SETDB1: variants seen among roughly 807,000 people sequenced by gnomAD.
The protein encoded by SETDB1 is histone-lysine N-methyltransferase SETDB1.
In SETDB1, 31 loss-of-function variants were observed where a neutral mutation model predicts 137.4. That is an observed-to-expected ratio of 0.23 (90% CI 0.17 to 0.30). The LOEUF (loss-of-function observed/expected upper bound fraction) is 0.30, where lower values mean the gene tolerates loss of function less well. SETDB1 is among the 10% of genes least tolerant of loss of function. SETDB1 has a pLI of 1.00. For missense variants in SETDB1, 1,113 were observed against 1,631.5 expected (o/e 0.68, Z 5.47); for synonymous variants, 548 against 579.9 (o/e 0.95, Z 0.79).
Position 150,963,017 on chromosome 1 carries a change from G to A in SETDB1, c.3338G>A (p.Ser1113Asn). 2 of 1,614,170 alleles carry A rather than the reference G, an allele frequency of 1.2e-6. No homozygotes were observed. The highest frequency in any genetic ancestry group is 2.7e-5 in the African/African-American group (2 of 75,032). The change falls in exon 19 of 22, where the codon AGT (serine) becomes AAT (asparagine). Residue 1113 changes from serine (S) to asparagine (N), a missense_variant. Transcript: ENST00000692827. ...AGCAGCACAGAAAGTGAGGGGGAAA[G>A]TGGGACCAGCCGAAAGCCCACTGCT... ...LSSSTESEGESGTSRKPTAGQ... is the reference protein window; with the variant it reads ...LSSSTESEGENGTSRKPTAGQ...
At position 150,931,261 on chromosome 1, in the gene SETDB1, C is replaced by CAAAAAAAAA. The variant is rs767694682; in HGVS notation, c.412+1155_412+1163dup. 2.5e-3 allele frequency among the ~76,000 whole-genome samples: 170 copies of CAAAAAAAAA among 67,486 alleles called. 8 individuals are homozygous for CAAAAAAAAA. Among genetic ancestry groups the CAAAAAAAAA allele is most frequent in the South Asian group, 5.4e-3 (6 of 1,114 alleles). 44.3% of individuals were successfully genotyped at this position (67,486 alleles called of 152,430 possible). A position where few individuals can be genotyped will look rare whatever the true frequency, so the allele number is the denominator to read the frequency against. ...GGTGACAAAGCAAGACTCTTGTCTT[C>CAAAAAAAAA]AAAAAAAAAAAAAAAAAAAAGGGTT... On this transcript the variant is annotated intron_variant, in intron 3 of 21. Coordinates refer to ENST00000692827, the MANE Select transcript of SETDB1 (RefSeq NM_001366418.1).
intron 3 of SETDB1, chr1:150,930,533 T>C (rs1669695767): frequency 7.5e-6 from 1 of 132,892 alleles, no homozygotes; most frequent in Non-Finnish European, 1.6e-5. Context: ...TTTTTTTTTT[T>C]TTTTTTTTTT....
chr1:150,939,478 C>T (rs1263304967), intron 3 of SETDB1, among the ~76,000 whole-genome samples: 1 of 151,966 alleles, frequency 6.6e-6, no homozygotes, highest in Non-Finnish European at 1.5e-5. Context: ...GCATGTGCCA[C>T]CATGCCCATC....
chr1:150,927,601 C>T, intron 1 of SETDB1, 103 bp from the exon 2 acceptor site: 1 of 988,298 alleles, frequency 1.0e-6, no homozygotes, highest in Non-Finnish European at 1.5e-6. Context: ...AATAGAATAA[C>T]AGGCAGCAGA....
chr1:150,963,855 T>C (rs1670903408), intron 20 of SETDB1, 114 bp downstream of exon 20: 1 of 1,308,618 alleles, frequency 7.6e-7, no homozygotes, highest in Non-Finnish European at 1.1e-6. Context: ...CAAAGGATCT[T>C]AAAGAGGTAG....
chr1:150,952,486 G>A (rs867584837), intron 14 of SETDB1, among the ~76,000 whole-genome samples: 6 of 152,272 alleles, frequency 3.9e-5, no homozygotes, highest in Admixed American at 6.5e-5. Flanking sequence ...TAAATTTTTG[G>A]CTTGAGCATC....
intron 6 of SETDB1, 36 bp downstream of exon 6, chr1:150,942,724 C>T: frequency 6.2e-7 from 1 of 1,603,530 alleles, no homozygotes; most frequent in Non-Finnish European, 8.5e-7. Context: ...TCCTGAAAGG[C>T]AACCTGCACC....
intron 3 of SETDB1, among the ~76,000 whole-genome samples, chr1:150,933,385 T>TTTTTTTTTTG (rs1669828234): frequency 1.3e-5 from 2 of 149,836 alleles, no homozygotes; most frequent in African/African-American, 4.9e-5. Flanking sequence ...TTTTTTTTTT[T>TTTTTTTTTTG]GAGACAGTCT....
At chr1:150,932,612 G>C (rs990514601) in intron 3 of SETDB1, among the ~76,000 whole-genome samples, 2 of 152,080 alleles carry the variant, frequency 1.3e-5, no homozygotes, top group Non-Finnish European at 2.9e-5. Flanking sequence ...GCTTTATTCA[G>C]CTTCTGGACT....
At chr1:150,932,605 T>G (rs1669794581) in intron 3 of SETDB1, among the ~76,000 whole-genome samples, 1 of 152,216 alleles carries the variant, frequency 6.6e-6, no homozygotes, top group Admixed American at 6.5e-5. Context: ...ACTTCAGGCT[T>G]TATTCAGCTT....
At position 150,949,421 on chromosome 1, in the gene SETDB1, G is replaced by A. The variant is rs757005000; in HGVS notation, c.1479G>A (p.Thr493=). 2.2e-5 allele frequency: 35 copies of A among 1,614,046 alleles called. No homozygotes were observed. The highest frequency in any genetic ancestry group is 1.6e-4 in the Middle Eastern group (1 of 6,084). ...QSRKQVAKKS[T]SFRPGSVGSG... is the part of the protein sequence containing the mutation. ...GGAAGCAGGTAGCCAAAAAGAGCAC[G>A]TCCTTTCGACCAGGATCTGTGGGCT... is the stretch of plus-strand genomic sequence containing the variant. Residue 493 remains threonine, a synonymous_variant, in exon 12 of 22, where the codon ACG becomes ACA. Coordinates refer to ENST00000692827, the MANE Select transcript of SETDB1 (RefSeq NM_001366418.1).
rs181366568 is a variant in SETDB1 at position 150,927,106 on chromosome 1, C to T, written c.-12+589C>T. ...AAATATCTTATAGATTGGTTCTCTT[C>T]AGTATCCCAAAAGATTATTTTTAAA... On this transcript the variant is annotated intron_variant, in intron 1 of 21. Transcript: ENST00000692827. Among the ~76,000 whole-genome samples the T allele has an allele frequency of 1.6e-4, 25 of 152,272 alleles. No homozygotes were observed. In the East Asian group the frequency reaches 4.8e-3, roughly 29 times the overall value.
chr1:150,934,269 G>A (rs375042729), intron 3 of SETDB1, among the ~76,000 whole-genome samples: 8 of 152,134 alleles, frequency 5.3e-5, no homozygotes, highest in South Asian at 2.1e-4. Flanking sequence ...TCAGGAGATC[G>A]AAACCATCCC....
chr1:150,950,694 A>G lies in SETDB1; in HGVS notation c.1820A>G (p.Tyr607Cys). The change falls in exon 13 of 22, where the codon TAT becomes TGT. Residue 607 changes from tyrosine (Y) to cysteine (C), a missense_variant. This residue lies in a region of SETDB1 where 55 missense variants were observed against 118.5 expected (regional missense o/e 0.46). Transcript: ENST00000692827. Reference sequence around the variant, plus strand: ...AACCCTCTGCTGGTCCCGTTACTATATGACTTCCGGCGGATGACAGCCCGG... The same window carrying G: ...AACCCTCTGCTGGTCCCGTTACTATGTGACTTCCGGCGGATGACAGCCCGG... Reference protein sequence around the residue: ...GKNPLLVPLLYDFRRMTARRR... With the variant: ...GKNPLLVPLLCDFRRMTARRR... 1 of 1,614,202 alleles carries G rather than the reference A, an allele frequency of 6.2e-7. No homozygotes were observed. The highest frequency in any genetic ancestry group is 8.5e-7 in the Non-Finnish European group (1 of 1,180,032).
At chr1:150,933,846 G>A (rs1669861999) in intron 3 of SETDB1, among the ~76,000 whole-genome samples, 1 of 129,330 alleles carries the variant, frequency 7.7e-6, no homozygotes, top group Non-Finnish European at 1.6e-5. Flanking sequence ...TGCAATGGCA[G>A]GATCTCTGCT....
intron 9 of SETDB1, chr1:150,945,437 G>A (rs1411780988): frequency 5.9e-6 from 3 of 509,918 alleles, no homozygotes; most frequent in Non-Finnish European, 9.4e-6. Context: ...AGGATAGTGG[G>A]ACGAAGAAGA....
Position 150,961,150 on chromosome 1 carries a change from G to A in SETDB1, c.3091G>A (p.Gly1031Ser). ...TGAGAAGGCCTCCACCTCAGGACTA[G>A]GCATCAAGGATGAGGGAGACATCAA... is the stretch of plus-strand genomic sequence containing the variant. Reference protein sequence around the residue: ...EAEKASTSGLGIKDEGDIKQA... With the variant: ...EAEKASTSGLSIKDEGDIKQA... The change falls in exon 16 of 22, where the codon GGC becomes AGC. Residue 1031 changes from glycine to serine, a missense_variant. Physicochemically the swap from Gly to Ser is moderately conservative, Grantham distance 56. Around this residue, in one of 11 missense-constraint regions of SETDB1, gnomAD observed 373 missense variants for 412.7 expected, o/e 0.90. Transcript: ENST00000692827. 1 of 1,613,988 alleles carries A rather than the reference G, an allele frequency of 6.2e-7. No homozygotes were observed. The highest frequency in any genetic ancestry group is 8.5e-7 in the Non-Finnish European group (1 of 1,180,024).
At chr1:150,961,967 T>C in intron 16 of SETDB1, 163 bp from the exon 17 acceptor site, 4 of 773,072 alleles carry the variant, frequency 5.2e-6, no homozygotes, top group East Asian at 2.5e-5. Context: ...CCAGGGAGTG[T>C]AGTGAGGATT....
At chr1:150,931,187 G>A (rs1211818934) in intron 3 of SETDB1, among the ~76,000 whole-genome samples, 1 of 148,174 alleles carries the variant, frequency 6.7e-6, no homozygotes, top group East Asian at 2.0e-4. Flanking sequence ...TTAAGCATAG[G>A]AAGTTGAGGC....
Sources: allele counts gnomAD v4.1 joint callset (sites outside exome capture counted in the v4.1 genomes callset), GRCh38; gene constraint gnomAD v4.1.1; regional missense constraint gnomAD v4.1.1; transcripts MANE v1.5; gene names NCBI Gene and HGNC (gene_info 2026-07-23, HGNC 2026-07-21).